The following OPN3 variants were observed in gnomAD, a reference collection of about 807,000 sequenced individuals.
OPN3 encodes the protein opsin-3.
OPN3 carries 29 observed loss-of-function variants against 33.8 expected under a neutral mutation model. The ratio of observed to expected loss-of-function variants is 0.86; its 90% confidence interval spans 0.64 to 1.17. The LOEUF is 1.17. Ranked by LOEUF, OPN3 falls within the 50% of genes most tolerant of loss-of-function variation. The probability of loss-of-function intolerance (pLI) is 0.00; values close to 1 mark genes in which losing one functional copy is unlikely to be tolerated. For synonymous variants in OPN3, 216 were observed against 216.1 expected (o/e 1.00, Z 0.00); for missense variants, 437 against 514.1 (o/e 0.85, Z 1.45).
chr1:241,634,100 A>C (rs11545708), intron 1 of OPN3: 3 of 1,610,748 alleles, frequency 1.9e-6, no homozygotes, highest in Non-Finnish European at 2.5e-6. Context: ...GGAATCTCTC[A>C]TATTAAAATA....
At chr1:241,602,841 A>T (rs1056104251) in intron 2 of OPN3, among the ~76,000 whole-genome samples, 2 of 152,152 alleles carry the variant, frequency 1.3e-5, no homozygotes, top group African/African-American at 4.8e-5. Context: ...TCTGAGAGGG[A>T]CACAAACATT....
intron 1 of OPN3, among the ~76,000 whole-genome samples, chr1:241,639,546 G>C (rs530427879): frequency 6.6e-6 from 1 of 151,892 alleles, no homozygotes; most frequent in African/African-American, 2.4e-5. Context: ...CCGTGGTTTC[G>C]TGCCTTGTTG....
At chr1:241,598,772 A>C (rs1437664119) in intron 2 of OPN3, among the ~76,000 whole-genome samples, 1 of 152,208 alleles carries the variant, frequency 6.6e-6, no homozygotes, top group Non-Finnish European at 1.5e-5. Context: ...ATACACAGGC[A>C]AAGAATATTT....
intron 1 of OPN3, 57 bp from the exon 2 acceptor site, chr1:241,604,636 G>C (rs1663775846): frequency 6.9e-7 from 1 of 1,450,556 alleles, no homozygotes; most frequent in African/African-American, 1.4e-5. Flanking sequence ...CCGGGCATAA[G>C]AGACGTGATA....
At chr1:241,604,233 G>A in intron 2 of OPN3, 27 bp downstream of exon 2, 1 of 1,592,572 alleles carries the variant, frequency 6.3e-7, no homozygotes, top group Non-Finnish European at 8.6e-7. Context: ...TGGTTTGGGA[G>A]GGGGGCATCT....
In OPN3 at chr1:241,594,650, C is replaced by T. The variant is rs756271002; in HGVS notation, c.987G>A (p.Leu329=). The T allele has an allele frequency of 1.2e-6, 2 of 1,614,054 alleles. No homozygotes were observed. The highest frequency in any genetic ancestry group is 4.5e-5 in the East Asian group (2 of 44,864). ...SLLQLLCLRL[L]RCQRPAKDLP... ...GGTCTTTAGCAGGCCTCTGGCACCT[C>T]AGCAGTCGGAGGCACAGAAGCTGCA... The change falls in exon 4 of 4, where the codon CTG becomes CTA. Residue 329 remains leucine (L), a synonymous_variant. Coordinates refer to ENST00000366554, the MANE Select transcript of OPN3 (RefSeq NM_014322.3).
chr1:241,597,626 T>G, intron 3 of OPN3, 120 bp downstream of exon 3: 1 of 1,026,628 alleles, frequency 9.7e-7, no homozygotes, highest in East Asian at 2.5e-5. Context: ...CTTTAATTCC[T>G]AAAAAATTCT....
Position 241,594,668 on chromosome 1 carries a change from A to C in OPN3, c.969T>G (p.Leu323=). The C allele has an allele frequency of 6.2e-7, 1 of 1,613,776 alleles. No homozygotes were observed. Among genetic ancestry groups the C allele is most frequent in the Non-Finnish European group, 8.5e-7 (1 of 1,179,870 alleles). Residue 323 remains leucine, a synonymous_variant, in exon 4 of 4, where the codon CTT becomes CTG. Transcript: ENST00000366554. ...IRKFRRSLLQ[L]LCLRLLRCQR... is the part of the protein sequence containing the mutation. ...GGCACCTCAGCAGTCGGAGGCACAG[A>C]AGCTGCAAAAGGGATCTTCGAAACT...
At chr1:241,633,831 T>A in intron 1 of OPN3, 1 of 1,613,826 alleles carries the variant, frequency 6.2e-7, no homozygotes, top group Non-Finnish European at 8.5e-7. Flanking sequence ...CTTTCTAGGT[T>A]TTTGCTTTCC....
Position 241,607,408 on chromosome 1 carries a change from G to A in OPN3, c.374-2829C>T, listed in dbSNP as rs534670940. 4.6e-5 allele frequency among the ~76,000 whole-genome samples: 7 copies of A among 152,018 alleles called. No individual in the cohort carries two copies. The South Asian group carries it at 1.2e-3, about 27-fold the overall frequency. ...CATGCATCTGTAATCCCAGCTACTC[G>A]GAGGCTGAGACAGGAGAACTGCTTG... On this transcript the variant is annotated intron_variant, in intron 1 of 3. Coordinates refer to ENST00000366554, the MANE Select transcript of OPN3 (RefSeq NM_014322.3).
At chr1:241,612,660 AAC>A (rs751723469) in intron 1 of OPN3, among the ~76,000 whole-genome samples, 34 of 152,298 alleles carry the variant, frequency 2.2e-4, no homozygotes, top group Middle Eastern at 3.4e-3. Flanking sequence ...AGTTCCCCTT[AAC>A]TGCTCTATGG....
At chr1:241,628,375 A>G (rs992583798) in intron 1 of OPN3, among the ~76,000 whole-genome samples, 29 of 152,278 alleles carry the variant, frequency 1.9e-4, no homozygotes, top group African/African-American at 6.3e-4. Flanking sequence ...AACCCACAGT[A>G]GGTGTTCAAT....
chr1:241,617,043 G>T (rs1390257729), intron 1 of OPN3, among the ~76,000 whole-genome samples: 1 of 152,024 alleles, frequency 6.6e-6, no homozygotes, highest in African/African-American at 2.4e-5. Flanking sequence ...TATTTCATAT[G>T]ATATTTTATA....
chr1:241,640,183 C>T lies in OPN3; in HGVS notation c.72G>A (p.Pro24=), dbSNP rs751452312. The change falls in exon 1 of 4, where the codon CCG becomes CCA. Residue 24 remains proline, a synonymous_variant. Coordinates refer to ENST00000366554, the MANE Select transcript of OPN3 (RefSeq NM_014322.3). ...CGGGGCTCAGTGTCCCCGCCGGCGCCGGCCCCTCAGCGCCCGCGGCCCCGC... is the reference window on the plus strand; with the variant it reads ...CGGGGCTCAGTGTCCCCGCCGGCGCTGGCCCCTCAGCGCCCGCGGCCCCGC... The part of the protein sequence containing the change: ...DGGGAAGAEG[P]APAGTLSPAP... The T allele has an allele frequency of 4.3e-6, 6 of 1,400,154 alleles. No individual in the cohort carries two copies. The African/African-American group carries it at 6.0e-5, about 14-fold the overall frequency. The allele number at this position is 1,400,154 out of a possible 1,614,324, so 86.7% of individuals were successfully genotyped here.
At chr1:241,598,548 G>A (rs999822179) in intron 2 of OPN3, among the ~76,000 whole-genome samples, 1 of 152,136 alleles carries the variant, frequency 6.6e-6, no homozygotes, top group East Asian at 1.9e-4. Context: ...AGAATTTCAG[G>A]AGAAATTTGT....
At chr1:241,625,537 T>C (rs1459267819) in intron 1 of OPN3, among the ~76,000 whole-genome samples, 3 of 152,186 alleles carry the variant, frequency 2.0e-5, no homozygotes, top group African/African-American at 7.2e-5. Context: ...ATTGCAAATT[T>C]CAAACCTATA....
At chr1:241,600,159 G>T (rs181963034) in intron 2 of OPN3, among the ~76,000 whole-genome samples, 2 of 152,172 alleles carry the variant, frequency 1.3e-5, no homozygotes, top group African/African-American at 4.8e-5. Flanking sequence ...GCATGCTGGG[G>T]AAATTAATTT....
At chr1:241,635,914 A>C (rs1664880871) in intron 1 of OPN3, 8 of 726,418 alleles carry the variant, frequency 1.1e-5, no homozygotes, top group Non-Finnish European at 1.8e-5. Context: ...ACCCTTTTAA[A>C]ATATTTTTTT....
chr1:241,634,386 T>C (rs1664785968), intron 1 of OPN3: 1 of 1,613,962 alleles, frequency 6.2e-7, no homozygotes, highest in Non-Finnish European at 8.5e-7. Flanking sequence ...GACTGATCTG[T>C]AATGAGTACT....
Sources: allele counts gnomAD v4.1 joint callset (sites outside exome capture counted in the v4.1 genomes callset), GRCh38; gene constraint gnomAD v4.1.1; transcripts MANE v1.5; gene names NCBI Gene and HGNC (gene_info 2026-07-23, HGNC 2026-07-21).